Variants in JADE1 observed in about 807,000 individuals in gnomAD.
JADE1 encodes the protein protein Jade-1.
A neutral mutation model predicts 81.8 loss-of-function variants in JADE1; 14 were observed. The observed-to-expected ratio is 0.17, with a 90% confidence interval of 0.11 to 0.27. The LOEUF (loss-of-function observed/expected upper bound fraction) is 0.27. Among genes scored for constraint, JADE1 ranks in the 10% least tolerant of loss-of-function variants. JADE1 has a pLI of 1.00. For missense variants in JADE1, 690 were observed against 1,047.9 expected, an observed-to-expected ratio of 0.66 and a Z score of 4.71; for synonymous variants, 353 against 391.9, an observed-to-expected ratio of 0.90 and a Z score of 1.17.
Position 128,871,412 on chromosome 4 carries a change from C to T in JADE1, c.1679C>T (p.Pro560Leu). The change falls in exon 11 of 11, where the codon CCT becomes CTT. Residue 560 changes from proline (P) to leucine (L), a missense_variant. By Grantham distance (98) the Pro-to-Leu change is moderately conservative. Around this residue, in one of 8 missense-constraint regions of JADE1, gnomAD observed 86 missense variants for 95.4 expected, o/e 0.90. Coordinates refer to ENST00000226319, the MANE Select transcript of JADE1 (RefSeq NM_199320.4). This position sits in a 1 kb window ranked among gnomAD's most constrained non-coding sequence, Gnocchi z 4.1. ...GAAAACATGCTTTTGTTTAACAGTC[C>T]TTCTGTTGGCCCTGATGCTCCCAAG... ...SLENMLLFNS[P>L]SVGPDAPKIE... 1 of 1,614,168 alleles carries T rather than the reference C, an allele frequency of 6.2e-7. No homozygotes were observed. The highest frequency in any genetic ancestry group is 8.5e-7 in the Non-Finnish European group (1 of 1,180,008).
intron 9 of JADE1, chr4:128,864,724 A>T (rs1731655558): frequency 2.3e-6 from 1 of 432,798 alleles, no homozygotes; most frequent in African/African-American, 2.2e-5. Flanking sequence ...CTGTGACTAC[A>T]ATCAAGGCAT....
Position 128,872,690 on chromosome 4 carries a change from A to T in JADE1, c.*428A>T. 2 of 274,808 alleles carry T rather than the reference A, an allele frequency of 7.3e-6. No homozygotes were observed. The highest frequency in any genetic ancestry group is 7.3e-5 in the South Asian group (2 of 27,556). The allele number at this position is 274,808 out of a possible 1,614,324, so 17.0% of individuals were successfully genotyped here. On this transcript the variant is annotated 3_prime_UTR_variant, in exon 11 of 11. Transcript: ENST00000226319. ...GTACCATTCACAGCCCATAAAGTTT[A>T]TTTTCTAGGACTGTGGTAGATCTTG... is the stretch of plus-strand genomic sequence containing the variant.
Position 128,835,008 on chromosome 4 carries a change from T to C in JADE1, c.52+3198T>C, listed in dbSNP as rs529723662. Among the ~76,000 whole-genome samples the C allele has an allele frequency of 2.3e-3, 342 of 151,820 alleles. 3 individuals carry two copies. The highest frequency in any genetic ancestry group is 2.8e-3 in the Admixed American group (43 of 15,252). On this transcript the variant is annotated intron_variant, in intron 2 of 10. Transcript: ENST00000226319. ...TTTAAAAAAAAAAAAAAATTCCACC[T>C]AGAACTCTGGTTAGGAAGGAGGAAG...
chr4:128,846,541 G>T lies in JADE1; in HGVS notation c.296+9G>T, dbSNP rs1418525574. 1.9e-6 allele frequency: 3 copies of T among 1,613,880 alleles called. No individual in the cohort carries two copies. The highest frequency in any genetic ancestry group is 3.3e-5 in the Admixed American group (2 of 60,020). ...CCTCAGCCTGTGGCCAGGTAGAGAT[G>T]CCCTGAGGACAGAAGCCTCTCCACC... is the stretch of plus-strand genomic sequence containing the variant. On this transcript the variant is annotated intron_variant, in intron 4 of 10. Transcript: ENST00000226319. The surrounding 1 kb of genome is among the most constrained non-coding windows in gnomAD (Gnocchi z 4.0).
rs1730424840 is a variant in JADE1, at chr4:128,852,330, GT to G, written c.696+63del. 15 of 1,346,162 alleles carry G rather than the reference GT, an allele frequency of 1.1e-5. No individual in the cohort carries two copies. The South Asian group carries it at 1.7e-4, about 15-fold the overall frequency. The allele number at this position is 1,346,162 out of a possible 1,614,324, so 83.4% of individuals were successfully genotyped here. On this transcript the variant is annotated intron_variant, in intron 6 of 10. Coordinates refer to ENST00000226319, the MANE Select transcript of JADE1 (RefSeq NM_199320.4). The stretch of plus-strand genomic sequence containing the variant: ...GGGCATGAGCCTGTCTGCTGTGGGA[GT>G]GTATGCCTGGAGTCCAGGATTCTTC...
chr4:128,823,318 C>T (rs983683894), intron 1 of JADE1, among the ~76,000 whole-genome samples: 1 of 152,144 alleles, frequency 6.6e-6, no homozygotes, highest in East Asian at 1.9e-4. Flanking sequence ...TCATTCAGAA[C>T]CACTCAAATT....
At chr4:128,858,901 C>A (rs1731036952) in intron 8 of JADE1, among the ~76,000 whole-genome samples, 1 of 152,216 alleles carries the variant, frequency 6.6e-6, no homozygotes, top group Non-Finnish European at 1.5e-5. Context: ...AGCCACCGCG[C>A]CTGGCTATTT....
At chr4:128,862,450 T>C in intron 9 of JADE1, 1 of 1,399,052 alleles carries the variant, frequency 7.1e-7, no homozygotes, top group Admixed American at 3.0e-5. Context: ...TTTTTTTTTT[T>C]TAAAAACACT....
rs1467410621 is a variant in JADE1, at chr4:128,831,866, CATG to C, written c.52+59_52+61del. 4 of 1,491,128 alleles carry C rather than the reference CATG, an allele frequency of 2.7e-6. No individual in the cohort carries two copies. The African/African-American group carries it at 4.1e-5, about 15-fold the overall frequency. 92.4% of individuals were successfully genotyped at this position (1,491,128 alleles called of 1,614,324 possible). A position where few individuals can be genotyped will look rare whatever the true frequency, so the allele number is the denominator to read the frequency against. On this transcript the variant is annotated intron_variant, in intron 2 of 10. Coordinates refer to ENST00000226319, the MANE Select transcript of JADE1 (RefSeq NM_199320.4). ...ACCAGGGTTTGGGTCGGGGTAAAAA[CATG>C]ATTTTTTAATGTAATGCTTTAAATT...
chr4:128,833,971 T>C (rs1728765925), intron 2 of JADE1, among the ~76,000 whole-genome samples: 1 of 152,340 alleles, frequency 6.6e-6, no homozygotes, highest in South Asian at 2.1e-4. Flanking sequence ...TGTCCTAATC[T>C]AGTGCAACTG....
chr4:128,822,473 G>C (rs997763174), intron 1 of JADE1, among the ~76,000 whole-genome samples: 2 of 152,132 alleles, frequency 1.3e-5, no homozygotes, highest in Non-Finnish European at 2.9e-5. Context: ...AGCACTTTGG[G>C]AGGCCGAGGC....
At chr4:128,843,140 C>A in intron 3 of JADE1, 102 bp downstream of exon 3, 1 of 879,576 alleles carries the variant, frequency 1.1e-6, no homozygotes, top group South Asian at 1.7e-5. Context: ...TTATTCAAAT[C>A]CTTGTGCTCC....
At chr4:128,856,010 G>C (rs867080491) in intron 7 of JADE1, among the ~76,000 whole-genome samples, 1 of 152,000 alleles carries the variant, frequency 6.6e-6, no homozygotes, top group African/African-American at 2.4e-5. Context: ...GTAGTGAGGG[G>C]ATCTCACTTT....
chr4:128,859,286 ATGTGTATG>A (rs1327718908), intron 8 of JADE1, among the ~76,000 whole-genome samples: 3 of 148,214 alleles, frequency 2.0e-5, no homozygotes, highest in Non-Finnish European at 4.5e-5. Context: ...GCATGTGGTT[ATGTGTATG>A]TGTGTATGCA....
At chr4:128,827,976 C>T (rs2125819126) in intron 1 of JADE1, 1 of 750,390 alleles carries the variant, frequency 1.3e-6, no homozygotes, top group South Asian at 6.0e-5. Context: ...CTTCAGGACT[C>T]AGCTCAGTCT....
At chr4:128,869,428 A>G (rs1338435147) in intron 10 of JADE1, among the ~76,000 whole-genome samples, 1 of 152,242 alleles carries the variant, frequency 6.6e-6, no homozygotes, top group Non-Finnish European at 1.5e-5. Flanking sequence ...AGCCTACAGC[A>G]GCAAATGCTG....
At chr4:128,827,401 G>C (rs1728173047) in intron 1 of JADE1, among the ~76,000 whole-genome samples, 1 of 152,212 alleles carries the variant, frequency 6.6e-6, no homozygotes. Context: ...CTGAGCCCCA[G>C]AAAAGTGGTG....
chr4:128,859,604 T>C (rs1261108430), intron 8 of JADE1, among the ~76,000 whole-genome samples: 1 of 152,118 alleles, frequency 6.6e-6, no homozygotes, highest in Non-Finnish European at 1.5e-5. Flanking sequence ...TGTATGAGTG[T>C]GTAAGTATGT....
chr4:128,839,295 C>A (rs12505447), intron 2 of JADE1, among the ~76,000 whole-genome samples: 1 of 152,068 alleles, frequency 6.6e-6, no homozygotes, highest in Non-Finnish European at 1.5e-5. Flanking sequence ...GCAGTTCCCT[C>A]GGGTTCACAA....
Sources: gnomAD v4.1 joint callset for allele counts (sites outside exome capture counted in the v4.1 genomes callset) on GRCh38, gnomAD v4.1.1 for gene constraint, gnomAD v4.1.1 regional missense constraint, Gnocchi (gnomAD v3.1) non-coding constraint, MANE v1.5 for transcripts, NCBI Gene and HGNC (gene_info 2026-07-23, HGNC 2026-07-21) for gene names.